Variants in KLHL7 observed in about 807,000 individuals in gnomAD.
KLHL7 encodes the protein kelch like family member 7.
KLHL7 carries 44 observed loss-of-function variants against 67.4 expected under a neutral mutation model. The observed-to-expected ratio is 0.65, with a 90% CI of 0.51 to 0.84. The LOEUF (loss-of-function observed/expected upper bound fraction) is 0.84, where lower values mean the gene tolerates loss of function less well. Ranked by LOEUF, KLHL7 falls within the 40% of genes least tolerant of loss-of-function variation. KLHL7 has a pLI of 0.00. For synonymous variants in KLHL7, 252 were observed against 243.3 expected, an observed-to-expected ratio of 1.04 and a Z score of -0.33; for missense variants, 362 against 718.1, an observed-to-expected ratio of 0.50 and a Z score of 5.67.
chr7:23,151,148 G>A (rs1307996191), intron 6 of KLHL7, among the ~76,000 whole-genome samples: 1 of 95,368 alleles, frequency 1.0e-5, no homozygotes, highest in Non-Finnish European at 2.0e-5. Context: ...TCCATTCTGG[G>A]CCTGTTTTGT....
At chr7:23,125,704 A>G in intron 4 of KLHL7, 1 of 1,430,722 alleles carries the variant, frequency 7.0e-7, no homozygotes, top group South Asian at 1.6e-5. Context: ...ATACTAACTG[A>G]GGGACTGCTA....
intron 5 of KLHL7, among the ~76,000 whole-genome samples, chr7:23,142,666 A>G (rs1036971816): frequency 6.6e-6 from 1 of 152,146 alleles, no homozygotes; most frequent in Non-Finnish European, 1.5e-5. Flanking sequence ...CTCCTAAAAA[A>G]CCATAACCTC....
intron 4 of KLHL7, among the ~76,000 whole-genome samples, chr7:23,139,048 A>T (rs1052823105): frequency 6.6e-6 from 1 of 151,806 alleles, no homozygotes; most frequent in Non-Finnish European, 1.5e-5. Context: ...GTACAAACAC[A>T]TATAACATTT....
chr7:23,155,545 T>C (rs1784676689), intron 7 of KLHL7, among the ~76,000 whole-genome samples: 1 of 151,588 alleles, frequency 6.6e-6, no homozygotes, highest in Non-Finnish European at 1.5e-5. Context: ...GCGCCTGTAA[T>C]CCCAGCTACT....
intron 1 of KLHL7, among the ~76,000 whole-genome samples, chr7:23,122,074 C>G (rs1486148966): frequency 6.6e-6 from 1 of 152,074 alleles, no homozygotes; most frequent in Non-Finnish European, 1.5e-5. Flanking sequence ...CTTATTTTCC[C>G]CACCCCTCCA....
chr7:23,138,726 T>C (rs1010656369), intron 4 of KLHL7, among the ~76,000 whole-genome samples: 4 of 151,532 alleles, frequency 2.6e-5, no homozygotes, highest in Non-Finnish European at 5.9e-5. Flanking sequence ...TTAGTAGAGA[T>C]GGGGTTTTAC....
Position 23,121,893 on chromosome 7 carries a change from A to G in KLHL7, c.121-1884A>G, listed in dbSNP as rs552527774. The stretch of plus-strand genomic sequence containing the variant: ...GAGGCGGGATTTCACTGTGTTAGCC[A>G]GGATGGTCTCAATCTGCTGACCTTG... On this transcript the variant is annotated intron_variant, in intron 1 of 10. Transcript: ENST00000339077. Among the ~76,000 whole-genome samples, 20 of 152,142 alleles carry G rather than the reference A, an allele frequency of 1.3e-4. 1 individual carries two copies. In the South Asian group the frequency reaches 3.7e-3, roughly 28 times the overall value.
chr7:23,174,303 T>C lies in KLHL7; in HGVS notation c.*5T>C. 6.2e-7 allele frequency: 1 copy of C among 1,613,980 alleles called. No individual in the cohort carries two copies. Among genetic ancestry groups the C allele is most frequent in the Non-Finnish European group, 8.5e-7 (1 of 1,179,906 alleles). On this transcript the variant is annotated 3_prime_UTR_variant, in exon 11 of 11. Transcript: ENST00000339077. ...GAAGAGACCCTTGAAACATGAAAAATGAGTGGACTTCAGACTCATCAGAGA... is the reference window on the plus strand; with the variant it reads ...GAAGAGACCCTTGAAACATGAAAAACGAGTGGACTTCAGACTCATCAGAGA...
rs750030865 is a variant in KLHL7 at position 23,106,030 on chromosome 7, G to A, written c.4G>A (p.Ala2Thr). The change falls in exon 1 of 11, where the codon GCA becomes ACA. Residue 2 changes from alanine to threonine, a missense_variant. Physicochemically the swap from Ala to Thr is moderately conservative, Grantham distance 58. Transcript: ENST00000339077. M[A>T]ASGVEKSSKK... ...GCGTGAACCGAGCTGAGGGAGGATG[G>A]CAGCCTCTGGGGTGGAGAAGAGCAG... is the stretch of plus-strand genomic sequence containing the variant. 60 of 1,609,768 alleles carry A rather than the reference G, an allele frequency of 3.7e-5. No homozygotes were observed. The highest frequency in any genetic ancestry group is 1.7e-4 in the Middle Eastern group (1 of 6,012).
At chr7:23,124,409 G>A (rs139265152) in intron 2 of KLHL7, among the ~76,000 whole-genome samples, 3 of 149,276 alleles carry the variant, frequency 2.0e-5, no homozygotes, top group Admixed American at 2.0e-4. Context: ...TATTTTATGA[G>A]CTTGGGAAAA....
At chr7:23,168,962 A>T (rs552761615) in intron 9 of KLHL7, among the ~76,000 whole-genome samples, 23 of 152,068 alleles carry the variant, frequency 1.5e-4, no homozygotes, top group Admixed American at 5.9e-4. Context: ...TGCTTTTTTT[A>T]AAATTAAGAA....
At chr7:23,143,703 G>A in intron 5 of KLHL7, 148 bp from the exon 6 acceptor site, 3 of 825,706 alleles carry the variant, frequency 3.6e-6, no homozygotes, top group Non-Finnish European at 6.2e-6. Flanking sequence ...CTGTTTTGAA[G>A]AACCAGCAAG....
Position 23,144,016 on chromosome 7 carries a change from A to T in KLHL7, c.784A>T (p.Met262Leu). Residue 262 changes from methionine to leucine, a missense_variant, in exon 6 of 11, where the codon ATG (methionine) becomes TTG (leucine). Met to Leu is a conservative substitution (Grantham distance 15). Around this residue, in one of 5 missense-constraint regions of KLHL7, gnomAD observed 155 missense variants for 280.8 expected, o/e 0.55. Coordinates refer to ENST00000339077, the MANE Select transcript of KLHL7 (RefSeq NM_001031710.3). ...LIQDNPECLK[M>L]VISGMRYHLL... is the part of the protein sequence containing the mutation. ...TCAAGACAATCCTGAATGCCTTAAG[A>T]TGGTGATAAGTAAGTTGCCTTAATA... 9 of 1,613,424 alleles carry T rather than the reference A, an allele frequency of 5.6e-6. No individual in the cohort carries two copies. Among genetic ancestry groups the T allele is most frequent in the Non-Finnish European group, 7.6e-6 (9 of 1,179,768 alleles).
intron 10 of KLHL7, 62 bp from the exon 11 acceptor site, chr7:23,173,953 T>C: frequency 6.6e-7 from 1 of 1,520,352 alleles, no homozygotes; most frequent in Non-Finnish European, 9.1e-7. Context: ...AGTTATTACT[T>C]TAAGAAACCT....
chr7:23,163,585 G>A (rs1188314270), intron 7 of KLHL7, among the ~76,000 whole-genome samples: 1 of 152,160 alleles, frequency 6.6e-6, no homozygotes, highest in East Asian at 1.9e-4. Flanking sequence ...CAAGTGGTAA[G>A]GATTCAGAAG....
Position 23,174,234 on chromosome 7 carries a change from TCAC to T in KLHL7, c.1698_1700del (p.Thr567del). On this transcript the variant is annotated inframe_deletion, in exon 11 of 11. Coordinates refer to ENST00000339077, the MANE Select transcript of KLHL7 (RefSeq NM_001031710.3). ...AACTCCAAAGTTCGTGCTTTTCCAG[TCAC>T]AAGTTGTTTAATTTGTGTTGTCGAT... is the stretch of plus-strand genomic sequence containing the variant. The T allele has an allele frequency of 6.2e-7, 1 of 1,614,152 alleles. No individual in the cohort carries two copies.
At chr7:23,130,835 A>G (rs1783772982) in intron 4 of KLHL7, among the ~76,000 whole-genome samples, 1 of 152,242 alleles carries the variant, frequency 6.6e-6, no homozygotes, top group South Asian at 2.1e-4. Context: ...CACTATGTAA[A>G]GTGAACATAC....
At chr7:23,138,424 T>C (rs1236180257) in intron 4 of KLHL7, among the ~76,000 whole-genome samples, 3 of 124,642 alleles carry the variant, frequency 2.4e-5, no homozygotes, top group Non-Finnish European at 4.8e-5. Flanking sequence ...ATCGGGCCAC[T>C]GCACTCCAGC....
At chr7:23,156,051 C>T (rs908750361) in intron 7 of KLHL7, 12 of 464,670 alleles carry the variant, frequency 2.6e-5, no homozygotes, top group African/African-American at 2.4e-4. Flanking sequence ...CTTCAGAATT[C>T]TCATTTGTTG....
Sources: gnomAD v4.1 joint callset for allele counts (sites outside exome capture counted in the v4.1 genomes callset) on GRCh38, gnomAD v4.1.1 for gene constraint, gnomAD v4.1.1 regional missense constraint, MANE v1.5 for transcripts, NCBI Gene and HGNC (gene_info 2026-07-23, HGNC 2026-07-21) for gene names.